The following HP1BP3 variants were observed in gnomAD, a reference collection of about 807,000 sequenced individuals.
The protein encoded by HP1BP3 is heterochromatin protein 1 binding protein 3.
A neutral mutation model predicts 62.5 loss-of-function variants in HP1BP3; 12 were observed. That is an observed-to-expected ratio of 0.19 (90% CI 0.12 to 0.31). HP1BP3 has a LOEUF of 0.31. Among genes scored for constraint, HP1BP3 ranks in the 10% least tolerant of loss-of-function variants. The pLI is 1.00. For synonymous variants in HP1BP3, 260 were observed against 237.8 expected (o/e 1.09, Z -0.86); for missense variants, 502 against 651.8 (o/e 0.77, Z 2.50).
chr1:20,783,850 C>G (rs1309500569), intron 1 of HP1BP3, among the ~76,000 whole-genome samples: 1 of 150,244 alleles, frequency 6.7e-6, no homozygotes, highest in East Asian at 2.0e-4. Context: ...CATAGAACTT[C>G]AAAGCTTCAA....
rs2055424709 is a variant in HP1BP3 at position 20,747,637 on chromosome 1, GT to G, written c.1159del (p.Thr387ProfsTer86). On this transcript the variant is annotated frameshift_variant, in exon 11 of 13. Coordinates refer to ENST00000438032, the MANE Select transcript of HP1BP3 (RefSeq NM_001372052.1). LOFTEE classifies it high-confidence loss of function. ...SNYQMHLLKKTLQKCEKNGWM... is the reference protein window; with the variant it reads ...SNYQMHLLKKXLQKCEKNGWM... ...CCCATTCTTTTCGCATTTCTGCAGGGTTTTTTTCAGCAAATGCACTGAAAAA... is the reference window on the plus strand; with the variant it reads ...CCCATTCTTTTCGCATTTCTGCAGGGTTTTTTCAGCAAATGCACTGAAAAA... 2 of 1,610,556 alleles carry G rather than the reference GT, an allele frequency of 1.2e-6. No homozygotes were observed. Among genetic ancestry groups the G allele is most frequent in the Non-Finnish European group, 1.7e-6 (2 of 1,178,282 alleles).
At chr1:20,769,971 A>G (rs1047447101) in intron 6 of HP1BP3, among the ~76,000 whole-genome samples, 2 of 152,174 alleles carry the variant, frequency 1.3e-5, no homozygotes, top group Non-Finnish European at 2.9e-5. Context: ...GGGGTGAACT[A>G]GGTTTTTAAA....
chr1:20,750,101 C>A (rs1456151851), intron 9 of HP1BP3: 9 of 833,826 alleles, frequency 1.1e-5, no homozygotes, highest in Non-Finnish European at 1.2e-5. Flanking sequence ...CTTCCATCTA[C>A]CCTCCATCCA....
At chr1:20,749,186 C>A (rs1325154938) in intron 10 of HP1BP3, among the ~76,000 whole-genome samples, 2 of 152,020 alleles carry the variant, frequency 1.3e-5, no homozygotes, top group Non-Finnish European at 1.5e-5. Context: ...AAAATCTTTA[C>A]AGTAAAAGCA....
At chr1:20,780,213 T>A in intron 2 of HP1BP3, 132 bp downstream of exon 2, 2 of 674,754 alleles carry the variant, frequency 3.0e-6, no homozygotes, top group Non-Finnish European at 2.6e-6. Context: ...ATGAAAAGAA[T>A]CTGATTTTGT....
At chr1:20,758,891 G>A (rs957042115) in intron 8 of HP1BP3, among the ~76,000 whole-genome samples, 2 of 151,662 alleles carry the variant, frequency 1.3e-5, no homozygotes, top group African/African-American at 2.4e-5. Flanking sequence ...AGGTTCAAGC[G>A]ATCCTCCCGC....
At chr1:20,772,325 T>C (rs946716240) in intron 5 of HP1BP3, among the ~76,000 whole-genome samples, 1 of 151,526 alleles carries the variant, frequency 6.6e-6, no homozygotes, top group African/African-American at 2.4e-5. Context: ...GCCAAATTGA[T>C]ATTGTTTTAA....
chr1:20,774,527 G>T (rs2057211796), intron 4 of HP1BP3: 1 of 152,156 alleles, frequency 6.6e-6, no homozygotes. Flanking sequence ...TTGGTCAACA[G>T]ACCACATATA....
chr1:20,764,907 G>A (rs1176667870), intron 8 of HP1BP3, among the ~76,000 whole-genome samples: 4 of 150,084 alleles, frequency 2.7e-5, no homozygotes, highest in Admixed American at 6.7e-5. Flanking sequence ...AGCGGCTCAC[G>A]CCTGTAATCC....
intron 11 of HP1BP3, among the ~76,000 whole-genome samples, chr1:20,747,050 A>G (rs1031333802): frequency 6.6e-6 from 1 of 152,190 alleles, no homozygotes; most frequent in South Asian, 2.1e-4. Context: ...TAATCCTCTA[A>G]GAATCTGTCA....
intron 1 of HP1BP3, among the ~76,000 whole-genome samples, chr1:20,786,887 G>A (rs1053931058): frequency 1.3e-5 from 2 of 152,110 alleles, no homozygotes; most frequent in African/African-American, 4.8e-5. Context: ...AGGGTCGCAC[G>A]GCCAGAGAAG....
In HP1BP3 at chr1:20,750,886, C is replaced by T. The variant is rs797017525; in HGVS notation, c.982-1004G>A. Among the ~76,000 whole-genome samples, 5 of 130,736 alleles carry T rather than the reference C, an allele frequency of 3.8e-5. 1 individual carries two copies. The highest frequency in any genetic ancestry group is 1.5e-4 in the African/African-American group (5 of 33,900). The allele number at this position is 130,736 out of a possible 152,430, so 85.8% of individuals were successfully genotyped here. A position where few individuals can be genotyped will look rare whatever the true frequency, so the allele number is the denominator to read the frequency against. On this transcript the variant is annotated intron_variant, in intron 9 of 12. Transcript: ENST00000438032. ...AGGCTGGATTGCAATGACGTGGTTT[C>T]AGCTCACTGCAACCTCGGTCTCCTG...
chr1:20,774,464 G>A (rs1222174521), intron 4 of HP1BP3: 1 of 152,116 alleles, frequency 6.6e-6, no homozygotes, highest in Non-Finnish European at 1.5e-5. Flanking sequence ...ATAGCTAGAA[G>A]GTATAGTTAT....
intron 11 of HP1BP3, among the ~76,000 whole-genome samples, chr1:20,746,186 A>ATGTGTGTGTGTGTG (rs35710978): frequency 1.3e-4 from 18 of 143,146 alleles, no homozygotes; most frequent in African/African-American, 4.9e-4. Flanking sequence ...ACATACATAT[A>ATGTGTGTGTGTGTG]TGTGTGTGTG....
chr1:20,759,665 G>T (rs965649430), intron 8 of HP1BP3, among the ~76,000 whole-genome samples: 6 of 152,024 alleles, frequency 3.9e-5, no homozygotes, highest in Non-Finnish European at 8.8e-5. Context: ...CAAGTAACAA[G>T]AATAATAAAA....
Position 20,773,724 on chromosome 1 carries a change from G to A in HP1BP3, c.351-114C>T, listed in dbSNP as rs1204479997. ...AAATTAATGCTTTAATTTATTTACA[G>A]GCTAAGATGACATGTACCATAAGCA... On this transcript the variant is annotated intron_variant, in intron 4 of 12. Transcript: ENST00000438032. 2.1e-5 allele frequency: 15 copies of A among 717,954 alleles called. No homozygotes were observed. The Admixed American group carries it at 3.4e-4, about 16-fold the overall frequency. 44.5% of individuals were successfully genotyped at this position (717,954 alleles called of 1,614,324 possible).
In HP1BP3 at chr1:20,743,269, A is replaced by T. The variant is rs1415864950; in HGVS notation, c.*1528T>A. ...ATATTTTTCCACTTAACATTTCTAC[A>T]TTAGCAATGATGTAACTCTCCAACA... is the stretch of plus-strand genomic sequence containing the variant. On this transcript the variant is annotated 3_prime_UTR_variant, in exon 13 of 13. Coordinates refer to ENST00000438032, the MANE Select transcript of HP1BP3 (RefSeq NM_001372052.1). 1 of 152,638 alleles carries T rather than the reference A, an allele frequency of 6.6e-6. No homozygotes were observed. The highest frequency in any genetic ancestry group is 1.5e-5 in the Non-Finnish European group (1 of 68,040). 9.5% of individuals were successfully genotyped at this position (152,638 alleles called of 1,614,324 possible).
chr1:20,768,956 T>TGACC (rs1342748501), intron 6 of HP1BP3, among the ~76,000 whole-genome samples: 1 of 152,162 alleles, frequency 6.6e-6, no homozygotes, highest in East Asian at 1.9e-4. Context: ...AAACCAAGGG[T>TGACC]GGTCAGGCTA....
intron 7 of HP1BP3, among the ~76,000 whole-genome samples, chr1:20,766,269 C>A (rs1031628629): frequency 8.5e-5 from 13 of 152,056 alleles, no homozygotes; most frequent in Admixed American, 2.6e-4. Context: ...CCAGCCTGAG[C>A]AACAAGAGCG....
Sources: allele counts gnomAD v4.1 joint callset (sites outside exome capture counted in the v4.1 genomes callset), GRCh38; gene constraint gnomAD v4.1.1; transcripts MANE v1.5; gene names NCBI Gene and HGNC (gene_info 2026-07-23, HGNC 2026-07-21).